WDSUB1: variants seen among roughly 807,000 people sequenced by gnomAD.
The protein encoded by WDSUB1 is WD repeat, SAM and U-box domain-containing protein 1.
A neutral mutation model predicts 53.9 loss-of-function variants in WDSUB1; 49 were observed. The observed-to-expected ratio is 0.91, with a 90% confidence interval of 0.72 to 1.15. The LOEUF (loss-of-function observed/expected upper bound fraction) is 1.15, where lower values mean the gene tolerates loss of function less well. WDSUB1 is among the 50% of genes most tolerant of loss of function. WDSUB1 has a pLI of 0.00. For synonymous variants in WDSUB1, 194 were observed against 200.6 expected (o/e 0.97, Z 0.28); for missense variants, 514 against 562.0 (o/e 0.91, Z 0.86).
At chr2:159,245,793 G>A (rs1467708518) in intron 10 of WDSUB1, among the ~76,000 whole-genome samples, 1 of 152,100 alleles carries the variant, frequency 6.6e-6, no homozygotes, top group Non-Finnish European at 1.5e-5. Flanking sequence ...AAATTGTCTA[G>A]AAGAAAAAAG....
Position 159,239,710 on chromosome 2 carries a change from C to T in WDSUB1, c.1274-3520G>A, listed in dbSNP as rs2060591019. 2.0e-5 allele frequency among the ~76,000 whole-genome samples: 3 copies of T among 152,246 alleles called. No homozygotes were observed. The South Asian group carries it at 6.2e-4, about 32-fold the overall frequency. On this transcript the variant is annotated intron_variant, in intron 10 of 10. Coordinates refer to ENST00000359774, the MANE Select transcript of WDSUB1 (RefSeq NM_001128212.3). ...GGCCAAGGCAAGTGGATCACTTGAG[C>T]CCTGGAGTTTAAGACCAGCCTGGGC...
intron 5 of WDSUB1, among the ~76,000 whole-genome samples, chr2:159,268,760 T>C (rs937766431): frequency 1.3e-5 from 2 of 152,110 alleles, no homozygotes; most frequent in African/African-American, 2.4e-5. Context: ...TTCCAGCCCA[T>C]TGCCTAACAG....
intron 9 of WDSUB1, among the ~76,000 whole-genome samples, chr2:159,253,342 G>A (rs1315201579): frequency 6.6e-6 from 1 of 151,796 alleles, no homozygotes; most frequent in Non-Finnish European, 1.5e-5. Context: ...CCTAACTAAA[G>A]CTGTACGTCT....
chr2:159,256,293 A>G lies in WDSUB1; in HGVS notation c.1035T>C (p.Asp345=). The G allele has an allele frequency of 6.2e-7, 1 of 1,612,610 alleles. No homozygotes were observed. Among genetic ancestry groups the G allele is most frequent in the Non-Finnish European group, 8.5e-7 (1 of 1,179,558 alleles). The part of the protein sequence containing the change: ...EDVSTWLCAQ[D]LKDLVGIFKM... ...TGAAAATACCAACAAGATCTTTTAA[A>G]TCTTGTGCACAAAGCCATGTTGAGA... The change falls in exon 9 of 11, where the codon GAT becomes GAC. Residue 345 remains aspartate (D), a synonymous_variant. Transcript: ENST00000359774.
At chr2:159,265,076 C>A (rs1216765332) in intron 5 of WDSUB1, among the ~76,000 whole-genome samples, 7 of 143,528 alleles carry the variant, frequency 4.9e-5, no homozygotes, top group African/African-American at 1.7e-4. Context: ...AAGAGCGAAA[C>A]TCCATCTCAA....
At chr2:159,248,702 C>G (rs1372822749) in intron 9 of WDSUB1, among the ~76,000 whole-genome samples, 190 bp from the exon 10 acceptor site, 5 of 152,154 alleles carry the variant, frequency 3.3e-5, no homozygotes, top group Non-Finnish European at 7.3e-5. Flanking sequence ...ACCTCCTGGG[C>G]TCAAGTGATC....
intron 10 of WDSUB1, among the ~76,000 whole-genome samples, chr2:159,238,848 G>A (rs2060560895): frequency 7.4e-6 from 1 of 135,838 alleles, no homozygotes; most frequent in African/African-American, 3.3e-5. Flanking sequence ...TCAGGATCAT[G>A]TCAACCCTAT....
intron 10 of WDSUB1, among the ~76,000 whole-genome samples, chr2:159,242,101 A>C (rs992217652): frequency 4.1e-5 from 6 of 146,316 alleles, no homozygotes; most frequent in Non-Finnish European, 8.8e-5. Context: ...CCCAGGCTGG[A>C]GTGCAGTGGC....
chr2:159,248,652 G>C, intron 9 of WDSUB1, 140 bp from the exon 10 acceptor site: 1 of 978,880 alleles, frequency 1.0e-6, no homozygotes, highest in Non-Finnish European at 1.4e-6. Context: ...GCCCAGGCTG[G>C]AGTGCAGTGG....
At chr2:159,273,250 TCAAA>T (rs1438879733) in intron 4 of WDSUB1, among the ~76,000 whole-genome samples, 2 of 152,074 alleles carry the variant, frequency 1.3e-5, no homozygotes, top group Non-Finnish European at 2.9e-5. Context: ...GCATGATTAA[TCAAA>T]CAAAGCAAAC....
chr2:159,269,398 TGAGCTCAAGTGATA>T (rs753377021), intron 5 of WDSUB1, among the ~76,000 whole-genome samples: 1 of 152,170 alleles, frequency 6.6e-6, no homozygotes, highest in Non-Finnish European at 1.5e-5. Flanking sequence ...CTTGAACTCC[TGAGCTCAAGTGATA>T]GGCCTGCCTC....
intron 2 of WDSUB1, among the ~76,000 whole-genome samples, chr2:159,280,493 C>A (rs980935642): frequency 6.6e-6 from 1 of 151,246 alleles, no homozygotes; most frequent in Admixed American, 6.6e-5. Context: ...AGATCGAGAC[C>A]ATCCCGGCTA....
intron 6 of WDSUB1, among the ~76,000 whole-genome samples, chr2:159,259,036 A>AACTTTTTTTTTTTTTTTTTTT (rs1436442238): frequency 6.6e-6 from 1 of 150,612 alleles, no homozygotes; most frequent in Non-Finnish European, 1.5e-5. Context: ...CAACTACTTT[A>AACTTTTTTTTTTTTTTTTTTT]TTTTTGAGAC....
chr2:159,248,886 G>A (rs1475340008), intron 9 of WDSUB1, among the ~76,000 whole-genome samples: 3 of 152,170 alleles, frequency 2.0e-5, no homozygotes, highest in Non-Finnish European at 4.4e-5. Flanking sequence ...GATTACAGGT[G>A]TGAGCCACCA....
intron 6 of WDSUB1, among the ~76,000 whole-genome samples, chr2:159,259,603 T>C (rs1186913254): frequency 6.6e-6 from 1 of 152,254 alleles, no homozygotes; most frequent in Non-Finnish European, 1.5e-5. Context: ...AATCTATCCA[T>C]CTTAAAATCA....
At position 159,267,740 on chromosome 2, in the gene WDSUB1, CTATCT is replaced by C. The variant is rs547946770; in HGVS notation, c.770+3957_770+3961del. 2.1e-3 allele frequency among the ~76,000 whole-genome samples: 320 copies of C among 152,286 alleles called. 5 individuals are homozygous for C. The highest frequency in any genetic ancestry group is 7.5e-3 in the African/African-American group (310 of 41,548). On this transcript the variant is annotated intron_variant, in intron 5 of 10. Transcript: ENST00000359774. ...TCCCTCTTTCCCATACGTATTCATT[CTATCT>C]TATCATTGACTTTTAGTCACAAATA...
rs1007596614 is a variant in WDSUB1, at chr2:159,273,167, G to A, written c.677-1372C>T. Among the ~76,000 whole-genome samples the A allele has an allele frequency of 2.0e-5, 3 of 152,198 alleles. No individual in the cohort carries two copies. In the South Asian group the frequency reaches 6.2e-4, roughly 32 times the overall value. On this transcript the variant is annotated intron_variant, in intron 4 of 10. Transcript: ENST00000359774. ...AGCAGAGACACACACTAAAGACACCGTGCTAAGTGCTAGAAATACAATGAT... is the reference window on the plus strand; with the variant it reads ...AGCAGAGACACACACTAAAGACACCATGCTAAGTGCTAGAAATACAATGAT...
intron 10 of WDSUB1, among the ~76,000 whole-genome samples, chr2:159,247,929 A>ATG (rs72237899): frequency 1.8e-5 from 1 of 57,032 alleles, no homozygotes; most frequent in African/African-American, 1.9e-4. Context: ...ATATATATAA[A>ATG]TATATATATA....
At chr2:159,279,419 A>C (rs1377128211) in intron 3 of WDSUB1, among the ~76,000 whole-genome samples, 1 of 152,240 alleles carries the variant, frequency 6.6e-6, no homozygotes, top group Non-Finnish European at 1.5e-5. Context: ...GTGTTCTTTT[A>C]ATTGCAATTG....
Sources: gnomAD v4.1 joint callset for allele counts (sites outside exome capture counted in the v4.1 genomes callset) on GRCh38, gnomAD v4.1.1 for gene constraint, MANE v1.5 for transcripts, NCBI Gene and HGNC (gene_info 2026-07-23, HGNC 2026-07-21) for gene names.